NETO1: variants seen among roughly 807,000 people sequenced by gnomAD.
NETO1 encodes the protein neuropilin and tolloid-like protein 1.
A neutral mutation model predicts 61.3 loss-of-function variants in NETO1; 26 were observed. The ratio of observed to expected loss-of-function variants is 0.42; its 90% CI spans 0.31 to 0.59. NETO1 has a LOEUF of 0.59. NETO1 is among the 20% of genes least tolerant of loss of function. The pLI is 0.12. For synonymous variants in NETO1, 225 were observed against 225.8 expected (o/e 1.00, Z 0.03); for missense variants, 531 against 662.8 (o/e 0.80, Z 2.18).
chr18:72,857,577 G>C (rs565389934), intron 4 of NETO1, among the ~76,000 whole-genome samples: 2 of 152,186 alleles, frequency 1.3e-5, no homozygotes, highest in East Asian at 3.9e-4. Context: ...TCTAGGTACA[G>C]GTTATATTCA....
chr18:72,865,393 A>G, intron 1 of NETO1, 152 bp from the exon 2 acceptor site: 1 of 1,139,988 alleles, frequency 8.8e-7, no homozygotes. Flanking sequence ...GCAAAAACCA[A>G]TTTGAAATGT....
chr18:72,801,187 C>T (rs1055531693), intron 4 of NETO1, among the ~76,000 whole-genome samples: 1 of 152,168 alleles, frequency 6.6e-6, no homozygotes, highest in African/African-American at 2.4e-5. Flanking sequence ...AAATGCGAAA[C>T]TCCGTCAGCT....
chr18:72,813,659 C>T (rs1334254841), intron 4 of NETO1, among the ~76,000 whole-genome samples: 1 of 151,874 alleles, frequency 6.6e-6, no homozygotes, highest in Non-Finnish European at 1.5e-5. Flanking sequence ...ACAGTAATTG[C>T]AATAAAAAAC....
At chr18:72,786,097 G>A (rs2071906500) in intron 6 of NETO1, among the ~76,000 whole-genome samples, 1 of 152,132 alleles carries the variant, frequency 6.6e-6, no homozygotes, top group South Asian at 2.1e-4. Context: ...TTAACTGGAA[G>A]TTTCATTTTC....
At chr18:72,815,999 A>C (rs2073020988) in intron 4 of NETO1, among the ~76,000 whole-genome samples, 5 of 152,118 alleles carry the variant, frequency 3.3e-5, no homozygotes, top group Admixed American at 3.3e-4. Context: ...GATAGAGGTA[A>C]GGTACATATA....
chr18:72,853,448 G>A, intron 4 of NETO1: 1 of 147,748 alleles, frequency 6.8e-6, no homozygotes, highest in Admixed American at 6.7e-5. Flanking sequence ...TTATTTTTAT[G>A]TGGAAAAAAA....
intron 4 of NETO1, among the ~76,000 whole-genome samples, chr18:72,802,981 T>C (rs1281711523): frequency 6.6e-6 from 1 of 152,192 alleles, no homozygotes; most frequent in African/African-American, 2.4e-5. Flanking sequence ...CACCTTGTAG[T>C]TGTTTGAATT....
intron 3 of NETO1, among the ~76,000 whole-genome samples, chr18:72,860,285 C>T (rs2074530827): frequency 6.6e-6 from 1 of 152,228 alleles, no homozygotes. Flanking sequence ...AAAGTTAAGA[C>T]TTAGCACAGT....
chr18:72,820,677 CCTCT>C (rs1425629838), intron 4 of NETO1, among the ~76,000 whole-genome samples: 1 of 152,190 alleles, frequency 6.6e-6, no homozygotes, highest in Non-Finnish European at 1.5e-5. Context: ...AGCAAGTGGT[CCTCT>C]CTAACGAGGA....
chr18:72,768,381 T>TTA (rs1049475398), intron 7 of NETO1, among the ~76,000 whole-genome samples: 126 of 152,314 alleles, frequency 8.3e-4, no homozygotes, highest in African/African-American at 2.9e-3. Flanking sequence ...ACCTTTGGCC[T>TTA]TAAAGTCAAC....
intron 4 of NETO1, among the ~76,000 whole-genome samples, chr18:72,848,312 C>T (rs1316452973): frequency 6.6e-6 from 1 of 151,992 alleles, no homozygotes; most frequent in Admixed American, 6.6e-5. Flanking sequence ...TTCACCCATC[C>T]CATGTTGCCC....
intron 4 of NETO1, among the ~76,000 whole-genome samples, chr18:72,805,544 G>C (rs1264089871): frequency 6.6e-6 from 1 of 152,120 alleles, no homozygotes; most frequent in African/African-American, 2.4e-5. Flanking sequence ...GTATGATGTA[G>C]ATAACAGTGC....
chr18:72,785,019 A>G (rs1386342487), intron 6 of NETO1, among the ~76,000 whole-genome samples: 1 of 152,246 alleles, frequency 6.6e-6, no homozygotes, highest in Non-Finnish European at 1.5e-5. Flanking sequence ...AGGGATACCT[A>G]GAATGGTTTC....
chr18:72,765,411 A>G (rs116711430), intron 7 of NETO1, among the ~76,000 whole-genome samples: 2,513 of 151,794 alleles, frequency 0.017, 67 homozygotes, highest in African/African-American at 0.058. Context: ...ATATATCACA[A>G]TAAAAATTCT....
At chr18:72,860,036 C>T (rs1293858223) in intron 3 of NETO1, among the ~76,000 whole-genome samples, 1 of 152,140 alleles carries the variant, frequency 6.6e-6, no homozygotes, top group Non-Finnish European at 1.5e-5. Flanking sequence ...CAACTCTATA[C>T]AGCACCACAT....
chr18:72,848,623 A>G (rs759529979), intron 4 of NETO1, among the ~76,000 whole-genome samples: 1 of 152,206 alleles, frequency 6.6e-6, no homozygotes, highest in Non-Finnish European at 1.5e-5. Flanking sequence ...TGTGAAATAC[A>G]GTTGACAAAT....
At chr18:72,794,475 T>C in intron 4 of NETO1, 71 bp from the exon 5 acceptor site, 1 of 1,448,732 alleles carries the variant, frequency 6.9e-7, no homozygotes, top group South Asian at 1.3e-5. Context: ...AAGTTATTTA[T>C]CATTAAGTTT....
intron 7 of NETO1, among the ~76,000 whole-genome samples, chr18:72,763,003 T>C (rs755954404): frequency 5.3e-5 from 8 of 152,238 alleles, no homozygotes; most frequent in Non-Finnish European, 1.2e-4. Flanking sequence ...GGTCTAGTTA[T>C]AGATGTACCT....
chr18:72,798,046 TA>T (rs1186420255), intron 4 of NETO1, among the ~76,000 whole-genome samples: 1 of 152,258 alleles, frequency 6.6e-6, no homozygotes, highest in African/African-American at 2.4e-5. Flanking sequence ...TTTGTCTGTA[TA>T]TTTTTTTACC....
Sources: allele counts gnomAD v4.1 joint callset (sites outside exome capture counted in the v4.1 genomes callset), GRCh38; gene constraint gnomAD v4.1.1; transcripts MANE v1.5; gene names NCBI Gene and HGNC (gene_info 2026-07-23, HGNC 2026-07-21).